Variants in CEP170 observed in about 807,000 individuals in gnomAD.
The protein encoded by CEP170 is centrosomal protein of 170 kDa.
CEP170 carries 21 observed loss-of-function variants against 151.9 expected under a neutral mutation model. That is an observed-to-expected ratio of 0.14 (90% CI 0.10 to 0.20). The LOEUF is 0.20. CEP170 is among the 10% of genes least tolerant of loss of function. CEP170 has a pLI of 1.00. For synonymous variants in CEP170, 356 were observed against 648.8 expected (o/e 0.55, Z 6.86); for missense variants, 964 against 1,892.9 (o/e 0.51, Z 9.11).
At position 243,230,451 on chromosome 1, in the gene CEP170, A is replaced by C. The variant is rs78718834; in HGVS notation, c.-41-5130T>G. ...GTTATTAGTTGAAGGTGTTAAATCA[A>C]CTATCTACTGTCTTAAATATGTTGA... is the stretch of plus-strand genomic sequence containing the variant. On this transcript the variant is annotated intron_variant, in intron 1 of 19. Coordinates refer to ENST00000366542, the MANE Select transcript of CEP170 (RefSeq NM_014812.3). Among the ~76,000 whole-genome samples, 551 of 152,348 alleles carry C rather than the reference A, an allele frequency of 3.6e-3. 1 individual carries two copies. Among genetic ancestry groups the C allele is most frequent in the African/African-American group, 0.013 (523 of 41,598 alleles).
intron 14 of CEP170, among the ~76,000 whole-genome samples, chr1:243,143,173 G>C (rs2787232): frequency 0.61 from 92,707 of 151,682 alleles, 30,120 homozygotes; most frequent in African/African-American, 0.85. Context: ...CACAAAATGG[G>C]CAAAGGGGTC....
chr1:243,242,506 C>T (rs1423719327), intron 1 of CEP170, among the ~76,000 whole-genome samples: 4 of 152,124 alleles, frequency 2.6e-5, no homozygotes, highest in African/African-American at 7.2e-5. Flanking sequence ...GTGTGAGCCA[C>T]CACGCCCGGC....
intron 4 of CEP170, among the ~76,000 whole-genome samples, chr1:243,207,569 A>G (rs1299390612): frequency 1.3e-5 from 2 of 151,952 alleles, no homozygotes; most frequent in Admixed American, 6.6e-5. Flanking sequence ...CAACCCCCAA[A>G]TAGCAGAACG....
In CEP170 at chr1:243,165,265, C is replaced by T. The variant is rs1362239329; in HGVS notation, c.2695G>A (p.Ala899Thr). ...TTAGCTTCTAGAAAAGCCATTACTG[C>T]TTCTGTGTCTTTTAGAATAAGGGTT... ...DTTLILKDTE[A>T]VMAFLEAKLR... The change falls in exon 13 of 20, where the codon GCA becomes ACA. Residue 899 changes from alanine (A) to threonine (T), a missense_variant. By Grantham distance (58) the Ala-to-Thr change is moderately conservative. Coordinates refer to ENST00000366542, the MANE Select transcript of CEP170 (RefSeq NM_014812.3). 2 of 1,499,732 alleles carry T rather than the reference C, an allele frequency of 1.3e-6. No homozygotes were observed. The highest frequency in any genetic ancestry group is 1.8e-6 in the Non-Finnish European group (2 of 1,127,628). 92.9% of individuals were successfully genotyped at this position (1,499,732 alleles called of 1,614,324 possible).
intron 1 of CEP170, among the ~76,000 whole-genome samples, chr1:243,238,061 G>A (rs565526249): frequency 1.3e-5 from 2 of 152,182 alleles, no homozygotes; most frequent in South Asian, 4.1e-4. Flanking sequence ...AAAGTGATTA[G>A]GTTTATCTTT....
chr1:243,231,507 T>C (rs1264357630), intron 1 of CEP170, among the ~76,000 whole-genome samples: 2 of 152,190 alleles, frequency 1.3e-5, no homozygotes, highest in Non-Finnish European at 2.9e-5. Context: ...AATTATAATA[T>C]GTTACTGGAA....
At chr1:243,242,046 C>T (rs2064900011) in intron 1 of CEP170, among the ~76,000 whole-genome samples, 1 of 151,900 alleles carries the variant, frequency 6.6e-6, no homozygotes, top group Non-Finnish European at 1.5e-5. Context: ...ATTAGAAATC[C>T]TAGTGGTAAA....
intron 11 of CEP170, among the ~76,000 whole-genome samples, chr1:243,172,220 A>T (rs548284917): frequency 6.6e-6 from 1 of 152,360 alleles, no homozygotes; most frequent in Admixed American, 6.5e-5. Context: ...TAAAAATTAA[A>T]GTTGAATTAC....
At chr1:243,179,561 A>T (rs1413960844) in intron 10 of CEP170, among the ~76,000 whole-genome samples, 1 of 152,192 alleles carries the variant, frequency 6.6e-6, no homozygotes, top group Non-Finnish European at 1.5e-5. Flanking sequence ...TGGAATCAAG[A>T]TATAAACTAG....
At chr1:243,242,343 C>T (rs1432342116) in intron 1 of CEP170, among the ~76,000 whole-genome samples, 2 of 152,166 alleles carry the variant, frequency 1.3e-5, no homozygotes, top group East Asian at 1.9e-4. Flanking sequence ...CTCAGCCTCC[C>T]GAGTAACTGG....
intron 1 of CEP170, among the ~76,000 whole-genome samples, chr1:243,226,091 C>T (rs1427974649): frequency 1.4e-5 from 2 of 138,112 alleles, no homozygotes; most frequent in Admixed American, 7.3e-5. Context: ...ATAAATATAT[C>T]TATATATATA....
intron 13 of CEP170, among the ~76,000 whole-genome samples, chr1:243,158,576 T>A (rs1397828974): frequency 6.6e-6 from 1 of 152,150 alleles, no homozygotes; most frequent in Admixed American, 6.5e-5. Flanking sequence ...ATACGTTAAA[T>A]GTCAGGTGAT....
At chr1:243,154,959 A>G (rs978255698) in intron 14 of CEP170, among the ~76,000 whole-genome samples, 12 of 152,098 alleles carry the variant, frequency 7.9e-5, no homozygotes, top group African/African-American at 2.7e-4. Context: ...GGAAGGGGAA[A>G]AATGATGAGA....
At chr1:243,182,971 C>CTT (rs201854768) in intron 10 of CEP170, among the ~76,000 whole-genome samples, 5 of 143,834 alleles carry the variant, frequency 3.5e-5, no homozygotes, top group Admixed American at 7.0e-5. Context: ...ACAGTGACTA[C>CTT]TTTTTTTTTT....
At chr1:243,252,011 G>T (rs1165077570) in intron 1 of CEP170, among the ~76,000 whole-genome samples, 1 of 151,972 alleles carries the variant, frequency 6.6e-6, no homozygotes, top group East Asian at 1.9e-4. Context: ...ACTCCTTTAT[G>T]AAATTTTTGA....
At chr1:243,141,502 T>G (rs936608362) in intron 15 of CEP170, among the ~76,000 whole-genome samples, 2 of 152,198 alleles carry the variant, frequency 1.3e-5, no homozygotes, top group African/African-American at 4.8e-5. Flanking sequence ...TCCTAGTTCT[T>G]TGGTCTGTAT....
At chr1:243,244,065 CAT>C (rs1558145973) in intron 1 of CEP170, among the ~76,000 whole-genome samples, 2 of 152,034 alleles carry the variant, frequency 1.3e-5, no homozygotes, top group African/African-American at 2.4e-5. Flanking sequence ...AAAACTGAAA[CAT>C]AATTAGCCTC....
At chr1:243,178,308 CAAAAAAAAAAAAAAAAA>C (rs869094317) in intron 10 of CEP170, among the ~76,000 whole-genome samples, 1 of 30,422 alleles carries the variant, frequency 3.3e-5, no homozygotes, top group East Asian at 1.1e-3. Flanking sequence ...GACTCTGCCT[CAAAAAAAAAAAAAAAAA>C]AAAAAAAAAA....
intron 10 of CEP170, among the ~76,000 whole-genome samples, chr1:243,183,148 G>C (rs2059736035): frequency 6.6e-6 from 1 of 152,038 alleles, no homozygotes; most frequent in Admixed American, 6.6e-5. Flanking sequence ...CTGAGAGAAA[G>C]AGCTCAGTCT....
Sources: allele counts gnomAD v4.1 joint callset (sites outside exome capture counted in the v4.1 genomes callset), GRCh38; gene constraint gnomAD v4.1.1; transcripts MANE v1.5; gene names NCBI Gene and HGNC (gene_info 2026-07-23, HGNC 2026-07-21).